Variants in PTBP3 observed in about 807,000 individuals in gnomAD.
PTBP3 encodes the protein polypyrimidine tract-binding protein 3.
Under a neutral mutation model 58.7 loss-of-function variants are expected in PTBP3, and 20 were observed. The observed-to-expected ratio is 0.34, with a 90% CI of 0.24 to 0.50. PTBP3 has a LOEUF of 0.50. Among genes scored for constraint, PTBP3 ranks in the 20% least tolerant of loss-of-function variants. PTBP3 has a pLI of 0.98. For synonymous variants in PTBP3, 185 were observed against 219.8 expected (o/e 0.84, Z 1.40); for missense variants, 509 against 637.2 (o/e 0.80, Z 2.17).
chr9:112,270,612 T>C (rs1055634983), intron 3 of PTBP3, among the ~76,000 whole-genome samples: 2 of 152,210 alleles, frequency 1.3e-5, no homozygotes, highest in African/African-American at 4.8e-5. Flanking sequence ...TGGGAAACCA[T>C]GCGTGTAGCA....
intron 7 of PTBP3, among the ~76,000 whole-genome samples, chr9:112,235,205 T>C (rs1835394455): frequency 6.6e-6 from 1 of 152,186 alleles, no homozygotes; most frequent in African/African-American, 2.4e-5. Context: ...TACTAAATGT[T>C]ATTAAATCTG....
At chr9:112,306,235 G>A (rs1279649360) in intron 1 of PTBP3, among the ~76,000 whole-genome samples, 2 of 151,882 alleles carry the variant, frequency 1.3e-5, no homozygotes, top group African/African-American at 4.8e-5. Flanking sequence ...CATGATCACA[G>A]CTCACTGCAG....
chr9:112,241,970 T>C (rs1455337290), intron 7 of PTBP3, among the ~76,000 whole-genome samples: 1 of 152,194 alleles, frequency 6.6e-6, no homozygotes, highest in Non-Finnish European at 1.5e-5. Flanking sequence ...ACTACTTTAT[T>C]CCTTTTTATT....
chr9:112,257,436 ACT>A (rs958930000), intron 5 of PTBP3, among the ~76,000 whole-genome samples: 1 of 152,096 alleles, frequency 6.6e-6, no homozygotes, highest in Admixed American at 6.5e-5. Flanking sequence ...AAGGTCTTTT[ACT>A]CTGTTTCCCT....
At chr9:112,324,337 A>G (rs1192860753) in intron 1 of PTBP3, among the ~76,000 whole-genome samples, 1 of 152,166 alleles carries the variant, frequency 6.6e-6, no homozygotes, top group Non-Finnish European at 1.5e-5. Flanking sequence ...CTAAAAAAAA[A>G]GTTAAAGGAA....
chr9:112,227,651 A>G (rs1835043520), intron 11 of PTBP3, 24 bp from the exon 12 acceptor site: 1 of 1,566,474 alleles, frequency 6.4e-7, no homozygotes, highest in South Asian at 1.1e-5. Context: ...AGAAAATTTT[A>G]AAGTTTGAGT....
chr9:112,338,318 A>G (rs934553860), upstream of PTBP3, among the ~76,000 whole-genome samples: 3 of 151,852 alleles, frequency 2.0e-5, no homozygotes, highest in Non-Finnish European at 4.4e-5. Context: ...AAACACATGC[A>G]TGAAAAAGTG....
intron 2 of PTBP3, among the ~76,000 whole-genome samples, chr9:112,276,219 T>C (rs1275815736): frequency 6.6e-6 from 1 of 152,102 alleles, no homozygotes; most frequent in Non-Finnish European, 1.5e-5. Flanking sequence ...TTTTTCACTG[T>C]GGGTATTAAA....
At chr9:112,290,738 A>ACACACACACACACACAC (rs1564438731) in intron 2 of PTBP3, among the ~76,000 whole-genome samples, 5 of 148,584 alleles carry the variant, frequency 3.4e-5, no homozygotes, top group Admixed American at 6.7e-5. Context: ...ACACACACAC[A>ACACACACACACACACAC]ATCAAGTGTT....
chr9:112,329,460 T>C (rs1474493057), intron 1 of PTBP3, among the ~76,000 whole-genome samples: 1 of 152,106 alleles, frequency 6.6e-6, no homozygotes, highest in African/African-American at 2.4e-5. Context: ...AAAACTGAAA[T>C]GATTTATAAC....
chr9:112,316,971 CA>C lies in PTBP3; in HGVS notation c.-52+16498del, dbSNP rs1265773927. Among the ~76,000 whole-genome samples the C allele has an allele frequency of 4.5e-3, 474 of 104,630 alleles. 8 individuals carry two copies. The highest frequency in any genetic ancestry group is 0.043 in the East Asian group (150 of 3,474). 68.6% of individuals were successfully genotyped at this position (104,630 alleles called of 152,430 possible). ...TGGGCGACAAAGTGAGACACCATCT[CA>C]AAAAAAAAAAAACAGTAAAGAAAAA... is the stretch of plus-strand genomic sequence containing the variant. On this transcript the variant is annotated intron_variant, in intron 1 of 13. Transcript: ENST00000374257.
At chr9:112,303,117 T>C (rs1017522672) in intron 1 of PTBP3, among the ~76,000 whole-genome samples, 2 of 152,222 alleles carry the variant, frequency 1.3e-5, no homozygotes, top group Admixed American at 6.5e-5. Context: ...TCTGGATCTC[T>C]TGCTCACAGT....
intron 2 of PTBP3, among the ~76,000 whole-genome samples, chr9:112,297,368 C>T (rs1431723007): frequency 6.6e-6 from 1 of 152,162 alleles, no homozygotes; most frequent in African/African-American, 2.4e-5. Context: ...TCACACCCAG[C>T]TAATTTTTGT....
the PTBP3 span, among the ~76,000 whole-genome samples, chr9:112,365,934 C>T: frequency 6.6e-6 from 1 of 152,086 alleles, no homozygotes; most frequent in African/African-American, 2.4e-5. Context: ...AAATTTGCAG[C>T]GTGACAATGC....
the PTBP3 span, among the ~76,000 whole-genome samples, chr9:112,342,792 A>G: frequency 2.1e-5 from 3 of 144,984 alleles, no homozygotes; most frequent in Non-Finnish European, 4.5e-5. Flanking sequence ...GGGCTGATAT[A>G]TATACTTTTG....
At chr9:112,303,795 C>A (rs1564448661) in intron 1 of PTBP3, among the ~76,000 whole-genome samples, 1 of 151,720 alleles carries the variant, frequency 6.6e-6, no homozygotes, top group Non-Finnish European at 1.5e-5. Flanking sequence ...ACCTGGGAGG[C>A]AGAGGTTGCA....
the PTBP3 span, among the ~76,000 whole-genome samples, chr9:112,360,007 G>A: frequency 2.0e-4 from 30 of 152,274 alleles, no homozygotes; most frequent in African/African-American, 7.2e-4. Context: ...TCTCTAGCTT[G>A]TTGGAATCAT....
At chr9:112,307,433 CA>C (rs1201164546) in intron 1 of PTBP3, among the ~76,000 whole-genome samples, 1 of 151,988 alleles carries the variant, frequency 6.6e-6, no homozygotes, top group Non-Finnish European at 1.5e-5. Flanking sequence ...GCCTGGGTGA[CA>C]AAGGGAGACC....
intron 11 of PTBP3, among the ~76,000 whole-genome samples, chr9:112,228,151 C>T (rs890395106): frequency 6.6e-6 from 1 of 152,088 alleles, no homozygotes; most frequent in Non-Finnish European, 1.5e-5. Flanking sequence ...AGGGTCAAAG[C>T]TCTAGAAATT....
Sources: allele counts gnomAD v4.1 joint callset (sites outside exome capture counted in the v4.1 genomes callset), GRCh38; gene constraint gnomAD v4.1.1; transcripts MANE v1.5; gene names NCBI Gene and HGNC (gene_info 2026-07-23, HGNC 2026-07-21).